The following PPP2R2B variants were observed in gnomAD, a reference collection of about 807,000 sequenced individuals.
PPP2R2B encodes protein phosphatase 2 regulatory subunit Bbeta, also known as serine/threonine-protein phosphatase 2A 55 kDa regulatory subunit B beta isoform.
PPP2R2B carries 5 observed loss-of-function variants against 46.0 expected under a neutral mutation model. That is an observed-to-expected ratio of 0.11 (90% CI 0.06 to 0.23). The LOEUF (loss-of-function observed/expected upper bound fraction) is 0.23, where lower values mean the gene tolerates loss of function less well. PPP2R2B is among the 10% of genes least tolerant of loss of function. The pLI is 1.00. For missense variants in PPP2R2B, 367 were observed against 575.0 expected (o/e 0.64, Z 3.70); for synonymous variants, 215 against 206.7 (o/e 1.04, Z -0.34).
intron 1 of PPP2R2B, among the ~76,000 whole-genome samples, chr5:147,017,475 G>C (rs1313616905): frequency 6.6e-6 from 1 of 151,484 alleles, no homozygotes; most frequent in Non-Finnish European, 1.5e-5. Context: ...CAAACCATGG[G>C]AGTGTGTAAA....
chr5:146,701,362 T>C, intron 2 of PPP2R2B: 1 of 679,842 alleles, frequency 1.5e-6, no homozygotes. Context: ...CTGGAACATC[T>C]GGAGAGAATA....
In PPP2R2B at chr5:147,048,171, T is replaced by C. The variant is rs1010139164; in HGVS notation, c.79+7494A>G. On this transcript the variant is annotated intron_variant, in intron 1 of 8. Coordinates refer to the PPP2R2B transcript ENST00000336640. Reference sequence around the variant, plus strand: ...CATTTTTCCCTCCTGCTAGACTGTATACCTTAAAGAATAGATGAGTGTTTT... The same window carrying C: ...CATTTTTCCCTCCTGCTAGACTGTACACCTTAAAGAATAGATGAGTGTTTT... Among the ~76,000 whole-genome samples, 4 of 152,142 alleles carry C rather than the reference T, an allele frequency of 2.6e-5. No individual in the cohort carries two copies. The South Asian group carries it at 8.3e-4, about 32-fold the overall frequency.
intron 1 of PPP2R2B, among the ~76,000 whole-genome samples, chr5:147,019,759 AT>A (rs1554085844): frequency 1.3e-5 from 2 of 152,146 alleles, no homozygotes; most frequent in Non-Finnish European, 2.9e-5. Context: ...TACTCTTTTC[AT>A]TGTAGCATGT....
chr5:147,061,762 A>C (rs1293450561), intron 2 of PPP2R2B, among the ~76,000 whole-genome samples: 5 of 152,198 alleles, frequency 3.3e-5, no homozygotes, highest in Admixed American at 1.3e-4. Flanking sequence ...AGGGGAAGAA[A>C]AAAAGCCCAG....
chr5:146,699,661 GTTT>G (rs11388336), intron 3 of PPP2R2B, among the ~76,000 whole-genome samples: 3 of 118,052 alleles, frequency 2.5e-5, no homozygotes, highest in Admixed American at 1.8e-4. Context: ...AACTTAATTG[GTTT>G]TTTTTTTTTT....
intron 2 of PPP2R2B, among the ~76,000 whole-genome samples, chr5:146,718,075 ACATAATTCACAAGAATT>A (rs1326357400): frequency 1.3e-5 from 2 of 152,154 alleles, no homozygotes; most frequent in African/African-American, 4.8e-5. Flanking sequence ...TTGTAAGACT[ACATAATTCACAAGAATT>A]CATAATTCAC....
intron 1 of PPP2R2B, among the ~76,000 whole-genome samples, chr5:146,980,656 GTTTT>G (rs376315854): frequency 6.6e-6 from 1 of 151,874 alleles, no homozygotes; most frequent in Non-Finnish European, 1.5e-5. Context: ...AATCTCTCTT[GTTTT>G]TTTATGTATT....
Position 146,812,828 on chromosome 5 carries a change from TACAC to T in PPP2R2B, c.70+65170_70+65173del, listed in dbSNP as rs551075297. Among the ~76,000 whole-genome samples the T allele has an allele frequency of 2.0e-3, 162 of 79,654 alleles. 7 individuals are homozygous for T. Among genetic ancestry groups the T allele is most frequent in the African/African-American group, 8.0e-3 (156 of 19,512 alleles). 52.3% of individuals were successfully genotyped at this position (79,654 alleles called of 152,430 possible). A position where few individuals can be genotyped will look rare whatever the true frequency, so the allele number is the denominator to read the frequency against. ...ATATATATATATATATATATATATA[TACAC>T]ACACATTTCCATTATAAAACCATCA... On this transcript the variant is annotated intron_variant, in intron 2 of 9. Coordinates refer to ENST00000394411, the MANE Select transcript of PPP2R2B (RefSeq NM_181675.4).
chr5:146,890,002 T>C (rs1762445774), intron 1 of PPP2R2B, among the ~76,000 whole-genome samples: 1 of 152,236 alleles, frequency 6.6e-6, no homozygotes, highest in Non-Finnish European at 1.5e-5. Flanking sequence ...GCATGAGACC[T>C]GGTGTCCTGA....
At chr5:146,698,317 A>AAAAATATATAT (rs1250416449) in intron 3 of PPP2R2B, among the ~76,000 whole-genome samples, 173 bp from the exon 4 acceptor site, 1 of 85,626 alleles carries the variant, frequency 1.2e-5, no homozygotes. Flanking sequence ...AAAAAAAAAA[A>AAAAATATATAT]ATATATATAT....
intron 1 of PPP2R2B, among the ~76,000 whole-genome samples, chr5:146,992,207 C>T (rs949718744): frequency 6.6e-6 from 1 of 152,076 alleles, no homozygotes; most frequent in African/African-American, 2.4e-5. Context: ...CAGAAATGAA[C>T]ATATTCATGT....
At chr5:146,615,619 A>ATCTC in intron 7 of PPP2R2B, among the ~76,000 whole-genome samples, 1 of 152,036 alleles carries the variant, frequency 6.6e-6, no homozygotes, top group African/African-American at 2.4e-5. Context: ...ACAGCAAATA[A>ATCTC]TCTCAAGAAA....
intron 7 of PPP2R2B, among the ~76,000 whole-genome samples, chr5:146,605,144 C>G (rs1044873413): frequency 6.6e-6 from 1 of 152,154 alleles, no homozygotes; most frequent in Non-Finnish European, 1.5e-5. Flanking sequence ...TACTTTTCCA[C>G]AAATTAGTCT....
chr5:146,887,735 G>A (rs572746864), intron 1 of PPP2R2B, among the ~76,000 whole-genome samples: 1 of 152,268 alleles, frequency 6.6e-6, no homozygotes, highest in Admixed American at 6.5e-5. Context: ...AAGAGAAGAA[G>A]CCAAATAGCC....
At position 147,075,419 on chromosome 5, in the gene PPP2R2B, G is replaced by A. The variant is rs77573792; in HGVS notation, c.50+5640C>T. ...TGTCCACATGATCTGCATAAGTTAT[G>A]TGATCTCATTCAGTTCATTGGTGCC... On this transcript the variant is annotated intron_variant, in intron 2 of 10. Coordinates refer to the PPP2R2B transcript ENST00000394413. Among the ~76,000 whole-genome samples, 754 of 152,206 alleles carry A rather than the reference G, an allele frequency of 5.0e-3. 5 individuals are homozygous for A. The highest frequency in any genetic ancestry group is 0.017 in the African/African-American group (726 of 41,520).
At chr5:146,670,941 T>A (rs960991279) in intron 5 of PPP2R2B, among the ~76,000 whole-genome samples, 7 of 152,182 alleles carry the variant, frequency 4.6e-5, no homozygotes, top group African/African-American at 1.7e-4. Flanking sequence ...ATAAAAATTG[T>A]TTTTAAATTC....
At chr5:147,033,138 A>C (rs1271099356) in intron 1 of PPP2R2B, among the ~76,000 whole-genome samples, 1 of 152,188 alleles carries the variant, frequency 6.6e-6, no homozygotes, top group Non-Finnish European at 1.5e-5. Context: ...CAATCAGTGG[A>C]CCTAAAAGCT....
At chr5:146,675,123 A>T (rs1052197873) in intron 5 of PPP2R2B, among the ~76,000 whole-genome samples, 5 of 151,996 alleles carry the variant, frequency 3.3e-5, no homozygotes, top group Non-Finnish European at 7.4e-5. Context: ...CACCACACCC[A>T]GCTAATTTTT....
intron 2 of PPP2R2B, among the ~76,000 whole-genome samples, chr5:146,811,355 C>T (rs1757533208): frequency 1.3e-5 from 2 of 152,142 alleles, no homozygotes; most frequent in Admixed American, 1.3e-4. Context: ...CATCACTCCG[C>T]TGAAAGTGTT....
Sources: allele counts gnomAD v4.1 joint callset (sites outside exome capture counted in the v4.1 genomes callset), GRCh38; gene constraint gnomAD v4.1.1; transcripts MANE v1.5; gene names NCBI Gene and HGNC (gene_info 2026-07-23, HGNC 2026-07-21).